RNGTT: variants seen among roughly 807,000 people sequenced by gnomAD.
The protein encoded by RNGTT is mRNA-capping enzyme.
A neutral mutation model predicts 79.3 loss-of-function variants in RNGTT; 33 were observed. That is an observed-to-expected ratio of 0.42 (90% CI 0.32 to 0.56). The LOEUF (loss-of-function observed/expected upper bound fraction) is 0.56. Ranked by LOEUF, RNGTT falls within the 20% of genes least tolerant of loss-of-function variation. The pLI is 0.17. For missense variants in RNGTT, 497 were observed against 739.1 expected (o/e 0.67, Z 3.80); for synonymous variants, 222 against 235.9 (o/e 0.94, Z 0.54).
intron 2 of RNGTT, among the ~76,000 whole-genome samples, chr6:88,937,159 C>A (rs1452183557): frequency 6.6e-6 from 1 of 152,030 alleles, no homozygotes; most frequent in Non-Finnish European, 1.5e-5. Context: ...GTCTGACCAC[C>A]ATGAAGAAAC....
chr6:88,830,069 GCAAAATCAACATAATGTACGTT>G (rs1780803404), intron 11 of RNGTT, among the ~76,000 whole-genome samples: 1 of 152,016 alleles, frequency 6.6e-6, no homozygotes, highest in Non-Finnish European at 1.5e-5. Flanking sequence ...AACTCTCCAA[GCAAAATCAACATAATGTACGTT>G]CTTCTCAGCA....
At chr6:88,719,196 A>T (rs188403450) in intron 13 of RNGTT, among the ~76,000 whole-genome samples, 1 of 152,334 alleles carries the variant, frequency 6.6e-6, no homozygotes, top group Non-Finnish European at 1.5e-5. Flanking sequence ...AGAATACTGC[A>T]AGGTATCAAT....
intron 13 of RNGTT, among the ~76,000 whole-genome samples, chr6:88,716,462 A>G (rs1477167964): frequency 6.6e-6 from 1 of 152,232 alleles, no homozygotes; most frequent in African/African-American, 2.4e-5. Context: ...TCATCCCATT[A>G]CTGGGTACAT....
chr6:88,803,989 A>G (rs1779877201), intron 11 of RNGTT, among the ~76,000 whole-genome samples: 1 of 152,162 alleles, frequency 6.6e-6, no homozygotes, highest in Admixed American at 6.5e-5. Context: ...ACTCTAGACA[A>G]TATTTTTTTC....
At chr6:88,624,303 A>T (rs982733817) in intron 14 of RNGTT, among the ~76,000 whole-genome samples, 1 of 151,950 alleles carries the variant, frequency 6.6e-6, no homozygotes, top group Non-Finnish European at 1.5e-5. Context: ...AATTTGAAGA[A>T]GTGATACTAA....
At chr6:88,885,362 G>A (rs769196490) in intron 8 of RNGTT, among the ~76,000 whole-genome samples, 2 of 152,156 alleles carry the variant, frequency 1.3e-5, no homozygotes, top group Non-Finnish European at 2.9e-5. Context: ...AAAGACAGGA[G>A]TCACTTGATG....
At chr6:88,745,758 G>A (rs183046023) in intron 13 of RNGTT, among the ~76,000 whole-genome samples, 34 of 149,708 alleles carry the variant, frequency 2.3e-4, no homozygotes, top group African/African-American at 7.2e-4. Context: ...AGTATGTGTC[G>A]TATTAAAAAA....
chr6:88,825,689 C>G (rs755262846), intron 11 of RNGTT, among the ~76,000 whole-genome samples: 13 of 152,144 alleles, frequency 8.5e-5, no homozygotes, highest in Non-Finnish European at 1.6e-4. Flanking sequence ...TCTTCCACTG[C>G]AAAGCACAGT....
chr6:88,960,931 T>G (rs1382786581), intron 1 of RNGTT, among the ~76,000 whole-genome samples: 1 of 152,202 alleles, frequency 6.6e-6, no homozygotes, highest in Non-Finnish European at 1.5e-5. Context: ...GAAATTACTG[T>G]GATGGTTAAT....
In RNGTT at chr6:88,783,933, A is replaced by G. The variant is rs11965665; in HGVS notation, c.1339-14059T>C. Among the ~76,000 whole-genome samples the G allele has an allele frequency of 4.5e-3, 681 of 152,228 alleles. 2 individuals are homozygous for G. The highest frequency in any genetic ancestry group is 0.016 in the African/African-American group (644 of 41,536). ...TTTTTAAACCAGTACCTATTGATCA[A>G]CTGCTAAGCCTGTGTCAACCTCTGT... On this transcript the variant is annotated intron_variant, in intron 12 of 15. Transcript: ENST00000369485.
intron 13 of RNGTT, among the ~76,000 whole-genome samples, chr6:88,758,048 C>A (rs1204256810): frequency 6.6e-6 from 1 of 152,128 alleles, no homozygotes; most frequent in African/African-American, 2.4e-5. Flanking sequence ...TAAATGATTT[C>A]ATATCTGTTT....
chr6:88,702,589 C>G (rs1775984112), intron 13 of RNGTT, among the ~76,000 whole-genome samples: 2 of 152,158 alleles, frequency 1.3e-5, no homozygotes, highest in Middle Eastern at 3.4e-3. Flanking sequence ...AAATGTAAGA[C>G]CTCAAACTAT....
At chr6:88,727,196 G>C (rs1776941961) in intron 13 of RNGTT, among the ~76,000 whole-genome samples, 1 of 152,126 alleles carries the variant, frequency 6.6e-6, no homozygotes, top group South Asian at 2.1e-4. Flanking sequence ...AAGTAATTAG[G>C]CCTCCTGAAT....
chr6:88,665,662 G>A (rs1482999475), intron 14 of RNGTT, among the ~76,000 whole-genome samples: 2 of 152,158 alleles, frequency 1.3e-5, no homozygotes, highest in African/African-American at 4.8e-5. Context: ...GAGGATCCGG[G>A]GTCAGGTGTC....
Position 88,930,084 on chromosome 6 carries a change from A to G in RNGTT, c.175-817T>C, listed in dbSNP as rs567553864. ...TATATGCATATGTATACATATACAT[A>G]TATACATATACGTATATACATATAC... is the stretch of plus-strand genomic sequence containing the variant. On this transcript the variant is annotated intron_variant, in intron 2 of 15. Transcript: ENST00000369485. 1.4e-3 allele frequency among the ~76,000 whole-genome samples: 141 copies of G among 100,972 alleles called. 1 individual carries two copies. Among genetic ancestry groups the G allele is most frequent in the Non-Finnish European group, 2.2e-3 (96 of 43,944 alleles). The allele number at this position is 100,972 out of a possible 152,430, so 66.2% of individuals were successfully genotyped here.
intron 1 of RNGTT, among the ~76,000 whole-genome samples, chr6:88,961,521 C>A (rs1402479723): frequency 6.6e-6 from 1 of 152,104 alleles, no homozygotes; most frequent in Non-Finnish European, 1.5e-5. Flanking sequence ...ACTGCAACCT[C>A]CGTCTCCTGG....
At chr6:88,897,136 C>A (rs1291422298) in intron 6 of RNGTT, among the ~76,000 whole-genome samples, 1 of 152,174 alleles carries the variant, frequency 6.6e-6, no homozygotes, top group Non-Finnish European at 1.5e-5. Context: ...ATTCTAACAG[C>A]ACCCTCATCC....
chr6:88,949,947 G>C (rs1582169480), intron 1 of RNGTT, among the ~76,000 whole-genome samples: 1 of 152,226 alleles, frequency 6.6e-6, no homozygotes, highest in Admixed American at 6.5e-5. Context: ...TTCATAGCTA[G>C]AGAGAAGTCA....
chr6:88,714,358 T>C (rs1776425834), intron 13 of RNGTT: 1 of 152,208 alleles, frequency 6.6e-6, no homozygotes. Context: ...GTAAAGGGAC[T>C]GTACATCACG....
Sources: allele counts gnomAD v4.1 joint callset (sites outside exome capture counted in the v4.1 genomes callset), GRCh38; gene constraint gnomAD v4.1.1; transcripts MANE v1.5; gene names NCBI Gene and HGNC (gene_info 2026-07-23, HGNC 2026-07-21).